NR5A2: variants seen among roughly 807,000 people sequenced by gnomAD.
NR5A2 encodes nuclear receptor subfamily 5 group A member 2.
In NR5A2, 26 loss-of-function variants were observed where a neutral mutation model predicts 62.7. The observed-to-expected ratio is 0.41, with a 90% CI of 0.30 to 0.58. The LOEUF is 0.58. Among genes scored for constraint, NR5A2 ranks in the 20% least tolerant of loss-of-function variants. The pLI, the probability that NR5A2 is intolerant of heterozygous loss-of-function variation, is 0.22. For missense variants in NR5A2, 541 were observed against 669.1 expected, an observed-to-expected ratio of 0.81 and a Z score of 2.11; for synonymous variants, 246 against 241.7, an observed-to-expected ratio of 1.02 and a Z score of -0.16.
At chr1:200,116,586 T>A (rs2821332) in intron 6 of NR5A2, among the ~76,000 whole-genome samples, 63,735 of 151,970 alleles carry the variant, frequency 0.42, 13,866 homozygotes, top group East Asian at 0.68. Flanking sequence ...ACCAGTACAT[T>A]GTATATTGAA....
At chr1:200,165,575 G>T (rs1653863557) in intron 7 of NR5A2, among the ~76,000 whole-genome samples, 1 of 152,102 alleles carries the variant, frequency 6.6e-6, no homozygotes, top group South Asian at 2.1e-4. Flanking sequence ...GTCTTTTCCA[G>T]AATGTCACAC....
chr1:200,112,446 T>C (rs1243344627), intron 6 of NR5A2, among the ~76,000 whole-genome samples: 1 of 152,204 alleles, frequency 6.6e-6, no homozygotes, highest in Non-Finnish European at 1.5e-5. Context: ...GTGACTTCAG[T>C]ACTCGGCACC....
intron 5 of NR5A2, among the ~76,000 whole-genome samples, chr1:200,063,652 A>T (rs557564731): frequency 8.6e-5 from 13 of 152,036 alleles, no homozygotes; most frequent in Admixed American, 6.5e-4. Context: ...GGATCAAACC[A>T]CATTACACCT....
chr1:200,106,126 C>T (rs1288706802), intron 5 of NR5A2, among the ~76,000 whole-genome samples: 2 of 149,964 alleles, frequency 1.3e-5, no homozygotes, highest in African/African-American at 2.5e-5. Context: ...GGTGCCATCT[C>T]GGCTCATTGC....
chr1:200,168,458 C>T (rs552806700), intron 7 of NR5A2, among the ~76,000 whole-genome samples: 1 of 152,236 alleles, frequency 6.6e-6, no homozygotes, highest in African/African-American at 2.4e-5. Context: ...CTGAAGCAAT[C>T]CTCCATTTTT....
chr1:200,088,488 C>T (rs1664664009), intron 5 of NR5A2, among the ~76,000 whole-genome samples: 1 of 151,992 alleles, frequency 6.6e-6, no homozygotes, highest in South Asian at 2.1e-4. Context: ...AACTCCCGAC[C>T]TCAGGTGATC....
At chr1:200,148,260 T>G in intron 7 of NR5A2, 1 of 206,956 alleles carries the variant, frequency 4.8e-6, no homozygotes, top group Non-Finnish European at 1.0e-5. Context: ...GGCCACAGCA[T>G]TCCCTCGGAG....
intron 5 of NR5A2, among the ~76,000 whole-genome samples, chr1:200,087,983 G>A (rs1405587004): frequency 2.6e-5 from 4 of 152,046 alleles, no homozygotes; most frequent in African/African-American, 4.8e-5. Context: ...ACTCCTGATC[G>A]TAGGTGATCT....
chr1:200,168,417 G>T (rs931058770), intron 7 of NR5A2, among the ~76,000 whole-genome samples: 1 of 151,990 alleles, frequency 6.6e-6, no homozygotes, highest in Admixed American at 6.6e-5. Flanking sequence ...GGGTCTTGCT[G>T]TGGTGCCTAG....
intron 5 of NR5A2, among the ~76,000 whole-genome samples, chr1:200,054,765 T>C (rs920889588): frequency 2.6e-5 from 4 of 152,196 alleles, no homozygotes; most frequent in Non-Finnish European, 5.9e-5. Flanking sequence ...TGAGCAGCAT[T>C]ATTTATCTAT....
At position 200,111,193 on chromosome 1, in the gene NR5A2, C is replaced by G. The variant is rs753468261; in HGVS notation, c.1111-9C>G. On this transcript the variant is annotated splice_polypyrimidine_tract_variant and intron_variant, in intron 5 of 7. Transcript: ENST00000367362. ...TTTTTTTGTTTGTTTGTTTCTATTT[C>G]TTTTGCAGGTTGATGACCAAATGAA... is the stretch of plus-strand genomic sequence containing the variant. 1 of 1,601,932 alleles carries G rather than the reference C, an allele frequency of 6.2e-7. No homozygotes were observed. The highest frequency in any genetic ancestry group is 1.1e-5 in the South Asian group (1 of 87,624).
In NR5A2 at chr1:200,120,966, C is replaced by G. The variant is rs199813872; in HGVS notation, c.1378+11C>G. 3 of 1,613,252 alleles carry G rather than the reference C, an allele frequency of 1.9e-6. No homozygotes were observed. The highest frequency in any genetic ancestry group is 2.5e-6 in the Non-Finnish European group (3 of 1,179,568). On this transcript the variant is annotated intron_variant, in intron 7 of 7. Transcript: ENST00000367362. ...TGCTCTTTAGTTTAGGTAAGAAATC[C>G]TTTTCTCATGCTGTGCTCAACCAAC...
intron 1 of NR5A2, among the ~76,000 whole-genome samples, chr1:200,037,875 G>A (rs889396124): frequency 4.6e-5 from 7 of 152,198 alleles, no homozygotes; most frequent in Non-Finnish European, 1.0e-4. Context: ...CCCATTTTAT[G>A]TACATTATGC....
rs577277403 is a variant in NR5A2, at chr1:200,039,867, C to T, written c.202+72C>T. 50 of 1,477,202 alleles carry T rather than the reference C, an allele frequency of 3.4e-5. No homozygotes were observed. The African/African-American group carries it at 6.0e-4, about 18-fold the overall frequency. The allele number at this position is 1,477,202 out of a possible 1,614,324, so 91.5% of individuals were successfully genotyped here. On this transcript the variant is annotated intron_variant, in intron 2 of 7. Transcript: ENST00000367362. The surrounding 1 kb of genome is among the most constrained non-coding windows in gnomAD (Gnocchi z 5.1). ...CCCGGGCTCGCCCTGCAGGCTTCAG[C>T]CTCCCGCCCCGCGCGGGCGCGGGAG...
intron 5 of NR5A2, among the ~76,000 whole-genome samples, chr1:200,075,874 A>G (rs987533842): frequency 1.1e-5 from 1 of 94,062 alleles, no homozygotes; most frequent in Non-Finnish European, 2.3e-5. Context: ...AAGTGTGTAT[A>G]AAAGCTCTTC....
chr1:200,063,094 G>T (rs191805013), intron 5 of NR5A2, among the ~76,000 whole-genome samples: 101 of 151,920 alleles, frequency 6.6e-4, no homozygotes, highest in African/African-American at 2.4e-3. Context: ...CGCGATTTCG[G>T]CTCACTGCAA....
chr1:200,073,071 G>A (rs898600658), intron 5 of NR5A2, among the ~76,000 whole-genome samples: 1 of 151,504 alleles, frequency 6.6e-6, no homozygotes, highest in African/African-American at 2.4e-5. Flanking sequence ...TTGCCTTTTT[G>A]TTAACTTATT....
chr1:200,162,264 G>A (rs1209719543), intron 7 of NR5A2, among the ~76,000 whole-genome samples: 1 of 152,224 alleles, frequency 6.6e-6, no homozygotes, highest in Admixed American at 6.5e-5. Flanking sequence ...AGAGTGTGCT[G>A]TAGACTCACA....
At chr1:200,151,634 A>C (rs1653128806) in intron 7 of NR5A2, among the ~76,000 whole-genome samples, 1 of 152,212 alleles carries the variant, frequency 6.6e-6, no homozygotes, top group Non-Finnish European at 1.5e-5. Flanking sequence ...AGACCCTATA[A>C]AATCTCTCAA....
Sources: allele counts gnomAD v4.1 joint callset (sites outside exome capture counted in the v4.1 genomes callset), GRCh38; gene constraint gnomAD v4.1.1; non-coding constraint Gnocchi (gnomAD v3.1); transcripts MANE v1.5; gene names NCBI Gene and HGNC (gene_info 2026-07-23, HGNC 2026-07-21).